Variants in NRG2 observed in about 807,000 individuals in gnomAD.
The protein encoded by NRG2 is pro-neuregulin-2, membrane-bound isoform.
NRG2 carries 27 observed loss-of-function variants against 73.9 expected under a neutral mutation model. The ratio of observed to expected loss-of-function variants is 0.37; its 90% confidence interval spans 0.27 to 0.50. The LOEUF (loss-of-function observed/expected upper bound fraction) is 0.50. Among genes scored for constraint, NRG2 ranks in the 20% least tolerant of loss-of-function variants. NRG2 has a pLI of 0.96. For synonymous variants in NRG2, 532 were observed against 541.0 expected (o/e 0.98, Z 0.23); for missense variants, 1,126 against 1,210.1 (o/e 0.93, Z 1.03).
chr5:139,866,780 C>T (rs1762496565), intron 4 of NRG2, among the ~76,000 whole-genome samples: 2 of 152,216 alleles, frequency 1.3e-5, no homozygotes, highest in Admixed American at 1.3e-4. Flanking sequence ...GGTACACGTT[C>T]TTCTGCTCTC....
intron 1 of NRG2, among the ~76,000 whole-genome samples, chr5:139,919,653 A>G (rs1751518026): frequency 6.6e-6 from 1 of 152,184 alleles, no homozygotes; most frequent in Non-Finnish European, 1.5e-5. Context: ...TGCCAGACTA[A>G]TGACAAGAGA....
chr5:139,963,002 C>T (rs542138654), intron 1 of NRG2, among the ~76,000 whole-genome samples: 290 of 152,308 alleles, frequency 1.9e-3, no homozygotes, highest in Non-Finnish European at 3.6e-3. Flanking sequence ...TTGACCTTCT[C>T]CAGGTTAGGT....
At chr5:139,927,711 C>T (rs1447967506) in intron 1 of NRG2, among the ~76,000 whole-genome samples, 1 of 149,464 alleles carries the variant, frequency 6.7e-6, no homozygotes, top group Non-Finnish European at 1.5e-5. Flanking sequence ...TTGCGGTGAG[C>T]CAAGATCGCA....
intron 1 of NRG2, among the ~76,000 whole-genome samples, chr5:139,960,500 GA>G (rs977891996): frequency 6.6e-6 from 1 of 152,120 alleles, no homozygotes; most frequent in Non-Finnish European, 1.5e-5. Context: ...GGGCAACAGC[GA>G]GACTCCATCT....
chr5:139,906,867 G>A (rs1313362355), intron 1 of NRG2, among the ~76,000 whole-genome samples: 1 of 152,234 alleles, frequency 6.6e-6, no homozygotes, highest in Non-Finnish European at 1.5e-5. Flanking sequence ...ATGAGTAGGA[G>A]TTGGCCATAT....
rs772524901 is a variant in NRG2 at position 139,853,004 on chromosome 5, T to C, written c.1316A>G (p.Asn439Ser). 1 of 1,613,122 alleles carries C rather than the reference T, an allele frequency of 6.2e-7. No individual in the cohort carries two copies. The change falls in exon 7 of 10, where the codon AAC (asparagine) becomes AGC (serine). Residue 439 changes from asparagine to serine, a missense_variant. This residue lies in a region of NRG2 where 539 missense variants were observed against 703.2 expected (regional missense o/e 0.77). Transcript: ENST00000361474. The surrounding 1 kb of genome is among the most constrained non-coding windows in gnomAD (Gnocchi z 4.1). ...CGGGCACATGTTCTGCCGGAGGTGG[T>C]TGTGCATCTGCTTCCGCTGTTTTCT... Reference protein sequence around the residue: ...KTKKQRKQMHNHLRQNMCPAH... With the variant: ...KTKKQRKQMHSHLRQNMCPAH...
At chr5:139,989,744 T>C (rs1239804682) in intron 1 of NRG2, among the ~76,000 whole-genome samples, 1 of 147,514 alleles carries the variant, frequency 6.8e-6, no homozygotes, top group Non-Finnish European at 1.5e-5. Context: ...GCATTGAAGA[T>C]TTTTTGCTAG....
chr5:139,944,466 T>A (rs1192381418), intron 1 of NRG2, among the ~76,000 whole-genome samples: 5 of 152,158 alleles, frequency 3.3e-5, no homozygotes. Flanking sequence ...TTATTTGAGA[T>A]CAACTTTTTT....
At chr5:139,998,390 G>C (rs1049431758) in intron 1 of NRG2, among the ~76,000 whole-genome samples, 8 of 152,256 alleles carry the variant, frequency 5.3e-5, no homozygotes, top group Middle Eastern at 3.4e-3. Flanking sequence ...AGAAAGTCCT[G>C]GAGGGCCGGC....
At position 139,853,070 on chromosome 5, in the gene NRG2, C is replaced by T. The variant is rs753993395; in HGVS notation, c.1293-43G>A. 9.3e-6 allele frequency: 15 copies of T among 1,609,514 alleles called. No homozygotes were observed. Among genetic ancestry groups the T allele is most frequent in the East Asian group, 8.9e-5 (4 of 44,804 alleles). Reference sequence around the variant, plus strand: ...AGGTGAGGCTGGCATTCCCCCCACTCGCCAACGATGAACTTCCCTAGCTAT... The same window carrying T: ...AGGTGAGGCTGGCATTCCCCCCACTTGCCAACGATGAACTTCCCTAGCTAT... On this transcript the variant is annotated intron_variant, in intron 6 of 9. Coordinates refer to ENST00000361474, the MANE Select transcript of NRG2 (RefSeq NM_004883.3). This position sits in a 1 kb window ranked among gnomAD's most constrained non-coding sequence, Gnocchi z 4.1.
rs754487007 is a variant in NRG2, at chr5:139,887,004, G to A, written c.872+336C>T. On this transcript the variant is annotated intron_variant, in intron 2 of 9. Coordinates refer to ENST00000361474, the MANE Select transcript of NRG2 (RefSeq NM_004883.3). The surrounding 1 kb of genome is among the most constrained non-coding windows in gnomAD (Gnocchi z 4.5). ...TTGCCAAATGTTGGGGCTTTCAGAC[G>A]CTACAGCAGGTTTTTCAAGAAGTTT... Among the ~76,000 whole-genome samples the A allele has an allele frequency of 6.6e-6, 1 of 152,208 alleles. No individual in the cohort carries two copies.
At chr5:139,988,833 T>A (rs1301437868) in intron 1 of NRG2, among the ~76,000 whole-genome samples, 4 of 151,916 alleles carry the variant, frequency 2.6e-5, no homozygotes, top group Non-Finnish European at 2.9e-5. Flanking sequence ...GTAATGTATG[T>A]ACCACTCTCG....
chr5:139,884,107 C>T (rs1196908085), intron 2 of NRG2, among the ~76,000 whole-genome samples: 1 of 151,454 alleles, frequency 6.6e-6, no homozygotes, highest in East Asian at 1.9e-4. Context: ...CAGTGTAGAG[C>T]TCTCTGTCAG....
intron 2 of NRG2, among the ~76,000 whole-genome samples, chr5:139,885,737 G>A (rs995527745): frequency 3.3e-5 from 5 of 152,116 alleles, no homozygotes; most frequent in East Asian, 1.9e-4. Flanking sequence ...GGGAATGTGC[G>A]GGAGGGAGGG....
chr5:139,933,612 T>C (rs1234760925), intron 1 of NRG2, among the ~76,000 whole-genome samples: 1 of 151,968 alleles, frequency 6.6e-6, no homozygotes, highest in African/African-American at 2.4e-5. Context: ...GTGACAGAAC[T>C]AAGGAAAAAA....
At chr5:140,003,405 T>C (rs1044972962) in intron 1 of NRG2, among the ~76,000 whole-genome samples, 1 of 152,220 alleles carries the variant, frequency 6.6e-6, no homozygotes, top group Non-Finnish European at 1.5e-5. Flanking sequence ...CCCACTGTAA[T>C]CACAAGTTTC....
intron 1 of NRG2, among the ~76,000 whole-genome samples, chr5:139,986,314 C>A (rs778639636): frequency 6.6e-6 from 1 of 152,080 alleles, no homozygotes; most frequent in Non-Finnish European, 1.5e-5. Context: ...GATATCCTCC[C>A]ACACCCCAGG....
intron 1 of NRG2, among the ~76,000 whole-genome samples, chr5:139,914,445 G>T (rs540181670): frequency 6.6e-6 from 1 of 152,080 alleles, no homozygotes; most frequent in African/African-American, 2.4e-5. Flanking sequence ...ACTCAGCCTC[G>T]TTCAGAGCTA....
intron 5 of NRG2, among the ~76,000 whole-genome samples, chr5:139,863,140 A>G (rs1339389741): frequency 6.6e-6 from 1 of 152,188 alleles, no homozygotes; most frequent in African/African-American, 2.4e-5. Context: ...CAGTAACCCC[A>G]CAGGCATAAA....
Sources: allele counts gnomAD v4.1 joint callset (sites outside exome capture counted in the v4.1 genomes callset), GRCh38; gene constraint gnomAD v4.1.1; regional missense constraint gnomAD v4.1.1; non-coding constraint Gnocchi (gnomAD v3.1); transcripts MANE v1.5; gene names NCBI Gene and HGNC (gene_info 2026-07-23, HGNC 2026-07-21).